The following AGTPBP1 variants were observed in gnomAD, a reference collection of about 807,000 sequenced individuals.
AGTPBP1 encodes the protein cytosolic carboxypeptidase 1.
AGTPBP1 carries 70 observed loss-of-function variants against 143.9 expected under a neutral mutation model. That is an observed-to-expected ratio of 0.49 (90% CI 0.40 to 0.59). The LOEUF is 0.59. Among genes scored for constraint, AGTPBP1 ranks in the 20% least tolerant of loss-of-function variants. The pLI is 0.00. For missense variants in AGTPBP1, 1,229 were observed against 1,464.5 expected (o/e 0.84, Z 2.62); for synonymous variants, 463 against 500.2 (o/e 0.93, Z 0.99).
At chr9:85,717,427 G>A (rs891793252) in intron 1 of AGTPBP1, among the ~76,000 whole-genome samples, 9 of 152,196 alleles carry the variant, frequency 5.9e-5, no homozygotes, top group African/African-American at 1.2e-4. Flanking sequence ...ACTTGAGCAC[G>A]GGAGGTTAAT....
the AGTPBP1 span, among the ~76,000 whole-genome samples, chr9:85,796,076 G>A: frequency 9.2e-5 from 14 of 152,032 alleles, no homozygotes; most frequent in South Asian, 6.2e-4. Context: ...CAGAGGGTAC[G>A]AGATCCTTTC....
intron 13 of AGTPBP1, among the ~76,000 whole-genome samples, chr9:85,642,029 A>G (rs1195499987): frequency 6.6e-6 from 1 of 151,980 alleles, no homozygotes; most frequent in South Asian, 2.1e-4. Flanking sequence ...TCTCACCTAT[A>G]ACCTCACAAC....
intron 13 of AGTPBP1, among the ~76,000 whole-genome samples, chr9:85,637,219 T>A (rs1016040297): frequency 6.6e-6 from 1 of 151,946 alleles, no homozygotes; most frequent in Non-Finnish European, 1.5e-5. Flanking sequence ...TTTTTTGTAT[T>A]TTTAGTAGAA....
chr9:85,588,706 G>C (rs1364990441), intron 20 of AGTPBP1, among the ~76,000 whole-genome samples: 1 of 152,088 alleles, frequency 6.6e-6, no homozygotes, highest in African/African-American at 2.4e-5. Flanking sequence ...AAAACAGTAA[G>C]TAGTATTTGA....
intron 2 of AGTPBP1, among the ~76,000 whole-genome samples, chr9:85,710,697 AAC>A (rs879921903): frequency 0.014 from 2,148 of 151,556 alleles, 22 homozygotes; most frequent in Middle Eastern, 0.037. Context: ...CAACAACAAC[AAC>A]AAAAAAAACA....
upstream of AGTPBP1, among the ~76,000 whole-genome samples, chr9:85,745,699 G>A (rs553052012): frequency 2.6e-5 from 4 of 152,278 alleles, no homozygotes; most frequent in South Asian, 8.3e-4. Context: ...TTCGGGGTCA[G>A]AAAAATTGAA....
the AGTPBP1 span, among the ~76,000 whole-genome samples, chr9:85,787,667 TATAGGAAACATCC>T: frequency 2.6e-5 from 4 of 152,206 alleles, no homozygotes; most frequent in Admixed American, 1.3e-4. Flanking sequence ...ATTTTTCAGT[TATAGGAAACATCC>T]ATTGTAATGA....
chr9:85,575,464 A>G lies in AGTPBP1; in HGVS notation c.3354T>C (p.Ile1118=). The change falls in exon 25 of 26, where the codon ATT becomes ATC. Residue 1118 remains isoleucine (I), a synonymous_variant. Transcript: ENST00000357081. ...CDQGKYKGLQ[I]GTRELEEMGA... ...CCATCTCTTCCAGTTCTCGGGTACC[A>G]ATCTGTAAACCCTTGAAATAAACAA... The G allele has an allele frequency of 6.2e-7, 1 of 1,606,456 alleles. No homozygotes were observed. The highest frequency in any genetic ancestry group is 1.1e-5 in the South Asian group (1 of 88,746).
chr9:85,578,465 T>C (rs1828032365), intron 24 of AGTPBP1, among the ~76,000 whole-genome samples: 1 of 152,048 alleles, frequency 6.6e-6, no homozygotes, highest in African/African-American at 2.4e-5. Flanking sequence ...TTTCAAAATA[T>C]AAACAAACAC....
chr9:85,782,447 A>G, the AGTPBP1 span, among the ~76,000 whole-genome samples: 4 of 152,150 alleles, frequency 2.6e-5, no homozygotes, highest in African/African-American at 9.7e-5. Context: ...CCCGGGAGGC[A>G]GAGGTTGCAG....
intron 25 of AGTPBP1, among the ~76,000 whole-genome samples, chr9:85,568,238 T>G (rs1264456700): frequency 6.6e-6 from 1 of 152,200 alleles, no homozygotes; most frequent in African/African-American, 2.4e-5. Context: ...ACACAGAAAT[T>G]ATAGGTCTGG....
At chr9:85,650,604 T>C (rs1380091567) in intron 11 of AGTPBP1, among the ~76,000 whole-genome samples, 6 of 152,224 alleles carry the variant, frequency 3.9e-5, no homozygotes, top group Non-Finnish European at 2.9e-5. Context: ...AAAAGTTCTA[T>C]GCAGATTTTC....
At chr9:85,589,479 C>G (rs774978087) in intron 20 of AGTPBP1, 49 bp downstream of exon 20, 1 of 1,549,710 alleles carries the variant, frequency 6.5e-7, no homozygotes, top group Non-Finnish European at 8.7e-7. Context: ...TAAAGCAAAT[C>G]AAAGTAGGTG....
Position 85,724,997 on chromosome 9 carries a change from G to A in AGTPBP1, c.-33-12431C>T, listed in dbSNP as rs563172462. Among the ~76,000 whole-genome samples the A allele has an allele frequency of 9.9e-5, 15 of 152,142 alleles. 1 individual carries two copies. The highest frequency in any genetic ancestry group is 2.1e-4 in the South Asian group (1 of 4,818). On this transcript the variant is annotated intron_variant, in intron 1 of 25. Transcript: ENST00000357081. ...GTATCTATCCCAATTTCCCTCTACC[G>A]TGCCTTCCTATACCACAGGAACTTG...
intron 11 of AGTPBP1, among the ~76,000 whole-genome samples, chr9:85,653,459 G>A (rs544747901): frequency 6.6e-6 from 1 of 152,276 alleles, no homozygotes; most frequent in African/African-American, 2.4e-5. Context: ...TGAATTTACT[G>A]CACTAGAGGT....
the AGTPBP1 span, among the ~76,000 whole-genome samples, chr9:85,752,275 G>T: frequency 1.3e-5 from 2 of 151,876 alleles, no homozygotes; most frequent in Non-Finnish European, 2.9e-5. Flanking sequence ...AAGAAATTTG[G>T]AAAGTGCACT....
At chr9:85,642,684 T>C in intron 13 of AGTPBP1, 143 bp downstream of exon 13, 2 of 693,058 alleles carry the variant, frequency 2.9e-6, no homozygotes, top group Non-Finnish European at 4.8e-6. Flanking sequence ...ATTGACATAA[T>C]TATTCAATGC....
intron 17 of AGTPBP1, among the ~76,000 whole-genome samples, chr9:85,605,637 G>A (rs915820432): frequency 1.3e-5 from 2 of 152,066 alleles, no homozygotes; most frequent in Admixed American, 6.5e-5. Flanking sequence ...CTACTCATAT[G>A]TTGAGTAGAA....
At chr9:85,618,092 T>C (rs753344783) in intron 17 of AGTPBP1, among the ~76,000 whole-genome samples, 2 of 151,874 alleles carry the variant, frequency 1.3e-5, no homozygotes, top group Non-Finnish European at 2.9e-5. Flanking sequence ...GTACAAAAAT[T>C]ATCCAGGCGT....
Sources: allele counts gnomAD v4.1 joint callset (sites outside exome capture counted in the v4.1 genomes callset), GRCh38; gene constraint gnomAD v4.1.1; transcripts MANE v1.5; gene names NCBI Gene and HGNC (gene_info 2026-07-23, HGNC 2026-07-21).